Variants in SLC22A15 observed in about 807,000 individuals in gnomAD.
SLC22A15 encodes the protein flipt 1.
SLC22A15 carries 45 observed loss-of-function variants against 62.7 expected under a neutral mutation model. The observed-to-expected ratio is 0.72, with a 90% CI of 0.56 to 0.92. The LOEUF (loss-of-function observed/expected upper bound fraction) is 0.92. SLC22A15 is among the 40% of genes least tolerant of loss of function. The pLI is 0.00. For synonymous variants in SLC22A15, 264 were observed against 267.0 expected (o/e 0.99, Z 0.11); for missense variants, 622 against 665.6 (o/e 0.93, Z 0.72).
In SLC22A15 at chr1:116,039,258, G is replaced by A. The variant is rs574334626; in HGVS notation, c.1171+1870G>A. Among the ~76,000 whole-genome samples the A allele has an allele frequency of 5.3e-4, 81 of 152,304 alleles. 3 individuals carry two copies. The South Asian group carries it at 0.017, about 31-fold the overall frequency. On this transcript the variant is annotated intron_variant, in intron 8 of 11. Coordinates refer to ENST00000369503, the MANE Select transcript of SLC22A15 (RefSeq NM_018420.3). ...CTATTTTTAACGATTTCTTAGCTGG[G>A]CATGGTGGCTCACACCTGTAATCCC... is the stretch of plus-strand genomic sequence containing the variant.
chr1:116,000,087 T>C (rs1655645386), intron 2 of SLC22A15, among the ~76,000 whole-genome samples: 1 of 152,190 alleles, frequency 6.6e-6, no homozygotes, highest in African/African-American at 2.4e-5. Context: ...GATTGGAGTT[T>C]AGTCCATTTA....
chr1:116,047,643 A>AG (rs1270420461), intron 8 of SLC22A15, among the ~76,000 whole-genome samples: 1 of 152,168 alleles, frequency 6.6e-6, no homozygotes, highest in Non-Finnish European at 1.5e-5. Flanking sequence ...CAATCACTGC[A>AG]GTTTGGTTCA....
intron 2 of SLC22A15, among the ~76,000 whole-genome samples, chr1:116,012,796 G>A (rs886253348): frequency 1.3e-5 from 2 of 152,184 alleles, no homozygotes; most frequent in African/African-American, 4.8e-5. Flanking sequence ...AAAGTGAAAA[G>A]TATTCAGTGG....
intron 2 of SLC22A15, among the ~76,000 whole-genome samples, chr1:116,004,485 G>A (rs1243143486): frequency 1.3e-5 from 2 of 151,978 alleles, no homozygotes; most frequent in Non-Finnish European, 2.9e-5. Flanking sequence ...TCTTTATCTT[G>A]TAATATGATG....
intron 10 of SLC22A15, among the ~76,000 whole-genome samples, chr1:116,065,733 A>G (rs17035247): frequency 0.044 from 6,716 of 152,126 alleles, 192 homozygotes; most frequent in African/African-American, 0.07. Context: ...GGGAAATCCT[A>G]ATTAGTAGTG....
At chr1:116,028,826 A>T (rs901568333) in intron 5 of SLC22A15, among the ~76,000 whole-genome samples, 10 of 152,088 alleles carry the variant, frequency 6.6e-5, no homozygotes, top group African/African-American at 2.4e-4. Flanking sequence ...TGCTTTTTCA[A>T]CAATCTTCTG....
chr1:116,039,658 T>G (rs1320373379), intron 8 of SLC22A15, among the ~76,000 whole-genome samples: 1 of 152,184 alleles, frequency 6.6e-6, no homozygotes, highest in Non-Finnish European at 1.5e-5. Context: ...CCACTACCAC[T>G]GAGCCATTGT....
intron 2 of SLC22A15, among the ~76,000 whole-genome samples, chr1:116,000,625 C>CTT (rs56303802): frequency 0.024 from 2,096 of 87,732 alleles, 10 homozygotes; most frequent in East Asian, 0.047. Flanking sequence ...CTTTTTTTTC[C>CTT]TTTTTTTTTT....
intron 2 of SLC22A15, among the ~76,000 whole-genome samples, chr1:116,003,027 A>G (rs911503352): frequency 1.3e-5 from 2 of 152,104 alleles, no homozygotes; most frequent in African/African-American, 4.8e-5. Flanking sequence ...ACTGGTATTT[A>G]TTCTATTCAA....
At chr1:115,991,162 G>A (rs1002319524) in intron 1 of SLC22A15, among the ~76,000 whole-genome samples, 2 of 152,118 alleles carry the variant, frequency 1.3e-5, no homozygotes, top group East Asian at 1.9e-4. Flanking sequence ...TGAAATAATC[G>A]TCCAACAATG....
At chr1:116,020,583 A>G (rs57947156) in intron 3 of SLC22A15, 138 bp from the exon 4 acceptor site, 5 of 767,766 alleles carry the variant, frequency 6.5e-6, no homozygotes, top group African/African-American at 3.7e-5. Context: ...ACAAAAAAAA[A>G]CAAAAAGAAA....
rs373661740 is a variant in SLC22A15, at chr1:116,018,042, T to C, written c.301-1540T>C. Among the ~76,000 whole-genome samples, 23 of 152,352 alleles carry C rather than the reference T, an allele frequency of 1.5e-4. 1 individual carries two copies. The East Asian group carries it at 2.7e-3, about 18-fold the overall frequency. On this transcript the variant is annotated intron_variant, in intron 2 of 11. Transcript: ENST00000369503. ...TATAAAATTTACCATTTTATTCACA[T>C]TTAAGTGTGTAGTTTCAGATGCATT...
intron 2 of SLC22A15, among the ~76,000 whole-genome samples, chr1:115,993,463 C>G (rs866924471): frequency 0.026 from 3,000 of 115,384 alleles, 93 homozygotes; most frequent in African/African-American, 0.11. Context: ...GTGTGTCTGT[C>G]TGTCTGTCTG....
At chr1:115,979,958 T>C (rs1654533230) in intron 1 of SLC22A15, among the ~76,000 whole-genome samples, 1 of 151,324 alleles carries the variant, frequency 6.6e-6, no homozygotes, top group African/African-American at 2.4e-5. Context: ...GATTCTGGTG[T>C]TCAGGAATGC....
At chr1:116,034,004 CT>C (rs1242900699) in intron 6 of SLC22A15, among the ~76,000 whole-genome samples, 2 of 152,154 alleles carry the variant, frequency 1.3e-5, no homozygotes, top group African/African-American at 2.4e-5. Context: ...ACTTGGCCCA[CT>C]TCTGAGATTA....
chr1:116,032,574 T>C, intron 6 of SLC22A15: 1 of 985,398 alleles, frequency 1.0e-6, no homozygotes, highest in East Asian at 1.1e-4. Context: ...CATATACTCT[T>C]TTTCTACCCA....
intron 1 of SLC22A15, 99 bp downstream of exon 1, chr1:115,976,813 C>A: frequency 1.1e-6 from 1 of 939,662 alleles, no homozygotes; most frequent in Non-Finnish European, 1.6e-6. Flanking sequence ...GGGCCGAGGC[C>A]GAGGCTCTGC....
chr1:116,003,737 C>G (rs145806589), intron 2 of SLC22A15, among the ~76,000 whole-genome samples: 55 of 152,282 alleles, frequency 3.6e-4, no homozygotes, highest in African/African-American at 1.3e-3. Context: ...GACTGTCTTT[C>G]CTACCCTCTT....
chr1:116,029,581 T>C (rs1375574831), intron 5 of SLC22A15, among the ~76,000 whole-genome samples: 1 of 152,206 alleles, frequency 6.6e-6, no homozygotes, highest in Non-Finnish European at 1.5e-5. Context: ...TATTGGCCTC[T>C]CAAAATGCAA....
Sources: allele counts gnomAD v4.1 joint callset (sites outside exome capture counted in the v4.1 genomes callset), GRCh38; gene constraint gnomAD v4.1.1; transcripts MANE v1.5; gene names NCBI Gene and HGNC (gene_info 2026-07-23, HGNC 2026-07-21).